The following NEK11 variants were observed in gnomAD, a reference collection of about 807,000 sequenced individuals.
NEK11 encodes NIMA related kinase 11.
In NEK11, 72 loss-of-function variants were observed where a neutral mutation model predicts 80.7. That is an observed-to-expected ratio of 0.89 (90% confidence interval 0.74 to 1.08). The LOEUF (loss-of-function observed/expected upper bound fraction) is 1.08. NEK11 is among the 50% of genes least tolerant of loss of function. The pLI is 0.00. For synonymous variants in NEK11, 251 were observed against 260.7 expected, an observed-to-expected ratio of 0.96 and a Z score of 0.36; for missense variants, 764 against 763.6, an observed-to-expected ratio of 1.00 and a Z score of -0.01.
chr3:131,031,807 G>A (rs937769219), intron 3 of NEK11, among the ~76,000 whole-genome samples: 4 of 152,056 alleles, frequency 2.6e-5, no homozygotes, highest in African/African-American at 4.8e-5. Context: ...TGAGGATAAC[G>A]GACAAAAATC....
intron 17 of NEK11, among the ~76,000 whole-genome samples, chr3:131,303,927 A>T (rs766755932): frequency 3.3e-4 from 50 of 152,128 alleles, no homozygotes; most frequent in Admixed American, 5.9e-4. Flanking sequence ...TTTTATAGAC[A>T]ATATCCTTAA....
intron 17 of NEK11, among the ~76,000 whole-genome samples, chr3:131,279,852 G>A (rs1320156316): frequency 6.6e-6 from 1 of 152,150 alleles, no homozygotes; most frequent in African/African-American, 2.4e-5. Context: ...AAAGTCACAG[G>A]CACCTCACTA....
At chr3:131,057,519 TC>T (rs1177031276) in intron 3 of NEK11, among the ~76,000 whole-genome samples, 2 of 151,588 alleles carry the variant, frequency 1.3e-5, no homozygotes, top group African/African-American at 4.8e-5. Flanking sequence ...GTAAAAGTGT[TC>T]CTATTTCTCC....
chr3:131,118,062 C>G (rs1028079751), intron 5 of NEK11, among the ~76,000 whole-genome samples: 1 of 151,976 alleles, frequency 6.6e-6, no homozygotes, highest in South Asian at 2.1e-4. Flanking sequence ...AGTTTTCAAA[C>G]AGAATGCTTC....
At chr3:131,282,899 T>C (rs2096418727) in intron 17 of NEK11, among the ~76,000 whole-genome samples, 1 of 152,184 alleles carries the variant, frequency 6.6e-6, no homozygotes, top group African/African-American at 2.4e-5. Context: ...AGCTCAGATT[T>C]TGAACTGGAC....
intron 5 of NEK11, among the ~76,000 whole-genome samples, chr3:131,115,313 T>C (rs1578474482): frequency 6.6e-6 from 1 of 152,224 alleles, no homozygotes; most frequent in African/African-American, 2.4e-5. Flanking sequence ...TTCCTGGGTC[T>C]CTAGCTTGTA....
intron 17 of NEK11, among the ~76,000 whole-genome samples, chr3:131,312,702 A>G (rs1039763440): frequency 6.6e-6 from 1 of 152,188 alleles, no homozygotes; most frequent in Non-Finnish European, 1.5e-5. Flanking sequence ...CTAATCTAGA[A>G]TAGGGCCAAG....
intron 16 of NEK11, among the ~76,000 whole-genome samples, chr3:131,258,235 T>A (rs1366511328): frequency 6.6e-6 from 1 of 152,004 alleles, no homozygotes; most frequent in East Asian, 1.9e-4. Context: ...TAGTGATGGG[T>A]GCACCCAAAT....
At chr3:131,313,466 A>G (rs1161301870) in intron 17 of NEK11, among the ~76,000 whole-genome samples, 1 of 152,072 alleles carries the variant, frequency 6.6e-6, no homozygotes, top group Non-Finnish European at 1.5e-5. Context: ...TTTCTCTGCA[A>G]CCTCACCAGG....
chr3:131,253,339 C>T (rs2095744217), intron 16 of NEK11, among the ~76,000 whole-genome samples: 1 of 151,724 alleles, frequency 6.6e-6, no homozygotes, highest in African/African-American at 2.4e-5. Flanking sequence ...AGAAGCAAGA[C>T]CAGACATGAA....
At chr3:131,084,578 T>A (rs2075732253) in intron 4 of NEK11, among the ~76,000 whole-genome samples, 1 of 152,172 alleles carries the variant, frequency 6.6e-6, no homozygotes, top group African/African-American at 2.4e-5. Flanking sequence ...CACTAGAGAA[T>A]GGGTGAGATC....
At chr3:131,105,507 G>A (rs192493584) in intron 4 of NEK11, among the ~76,000 whole-genome samples, 1 of 152,322 alleles carries the variant, frequency 6.6e-6, no homozygotes, top group Admixed American at 6.5e-5. Flanking sequence ...AAGGAAAGAG[G>A]TTTAATTGAC....
At chr3:131,302,289 T>C (rs1420932823) in intron 17 of NEK11, among the ~76,000 whole-genome samples, 2 of 152,070 alleles carry the variant, frequency 1.3e-5, no homozygotes, top group African/African-American at 4.8e-5. Flanking sequence ...TCAGTCTTAT[T>C]TACTCTTTTA....
chr3:131,103,767 G>A (rs149426324), intron 4 of NEK11, among the ~76,000 whole-genome samples: 70 of 152,270 alleles, frequency 4.6e-4, no homozygotes, highest in South Asian at 8.3e-4. Context: ...TTCCTGCTGC[G>A]GCCCATGAAC....
intron 17 of NEK11, among the ~76,000 whole-genome samples, chr3:131,310,830 A>G (rs2096774587): frequency 6.6e-6 from 1 of 152,158 alleles, no homozygotes; most frequent in Admixed American, 6.5e-5. Flanking sequence ...CCCTAAAATG[A>G]AGGTGTTTCA....
chr3:131,115,695 A>T (rs1340184919), intron 5 of NEK11, among the ~76,000 whole-genome samples: 1 of 152,162 alleles, frequency 6.6e-6, no homozygotes, highest in East Asian at 1.9e-4. Context: ...TTCTTAAGAT[A>T]AAGGACAGAG....
intron 3 of NEK11, among the ~76,000 whole-genome samples, chr3:131,064,877 A>AT (rs1462252873): frequency 1.3e-5 from 2 of 152,048 alleles, no homozygotes; most frequent in Non-Finnish European, 2.9e-5. Context: ...TGCTTATTCT[A>AT]TTTTTATAGA....
chr3:131,093,906 A>G (rs2077082685), intron 4 of NEK11, among the ~76,000 whole-genome samples: 1 of 151,322 alleles, frequency 6.6e-6, no homozygotes, highest in African/African-American at 2.4e-5. Context: ...AGAAAAGAAA[A>G]CAAAGAGGAA....
intron 17 of NEK11, among the ~76,000 whole-genome samples, chr3:131,336,494 A>G (rs1319013202): frequency 1.3e-5 from 2 of 152,262 alleles, no homozygotes; most frequent in Non-Finnish European, 2.9e-5. Flanking sequence ...CTTAAACATT[A>G]GACCTGAAAC....
Sources: allele counts gnomAD v4.1 joint callset (sites outside exome capture counted in the v4.1 genomes callset), GRCh38; gene constraint gnomAD v4.1.1; transcripts MANE v1.5; gene names NCBI Gene and HGNC (gene_info 2026-07-23, HGNC 2026-07-21).